Variants in C16orf89 observed in about 807,000 individuals in gnomAD.
C16orf89 encodes the protein UPF0764 protein C16orf89.
C16orf89 carries 57 observed loss-of-function variants against 41.5 expected under a neutral mutation model. The ratio of observed to expected loss-of-function variants is 1.38; its 90% confidence interval spans 1.11 to 1.71. C16orf89 has a LOEUF of 1.71. Among genes scored for constraint, C16orf89 ranks in the 40% most tolerant of loss-of-function variants. The pLI, the probability that C16orf89 is intolerant of heterozygous loss-of-function variation, is 0.00. For synonymous variants in C16orf89, 223 were observed against 190.6 expected (o/e 1.17, Z -1.40); for missense variants, 575 against 445.9 (o/e 1.29, Z -2.61).
chr16:5,048,069 G>T (rs1037860493), intron 6 of C16orf89, 105 bp from the exon 7 acceptor site: 2 of 677,428 alleles, frequency 3.0e-6, no homozygotes, highest in East Asian at 2.8e-5. Context: ...CATTCTATTG[G>T]CCAGGCTGGG....
chr16:5,053,914 C>T (rs914049759), intron 6 of C16orf89, among the ~76,000 whole-genome samples: 2 of 152,140 alleles, frequency 1.3e-5, no homozygotes, highest in African/African-American at 4.8e-5. Flanking sequence ...TGAGGTGATG[C>T]GTCTGCTCAT....
At chr16:5,045,136 T>C (rs143363921) in intron 7 of C16orf89, among the ~76,000 whole-genome samples, 24 of 152,344 alleles carry the variant, frequency 1.6e-4, no homozygotes, top group East Asian at 1.4e-3. Flanking sequence ...GTCCAGCTCC[T>C]GCCTGGCTTA....
chr16:5,062,944 T>C (rs1258660114), intron 1 of C16orf89, among the ~76,000 whole-genome samples: 2 of 152,148 alleles, frequency 1.3e-5, no homozygotes, highest in African/African-American at 2.4e-5. Flanking sequence ...GTTGAGCAGG[T>C]TGTACACTGC....
At chr16:5,061,462 G>A (rs1197012693) in intron 2 of C16orf89, among the ~76,000 whole-genome samples, 4 of 37,818 alleles carry the variant, frequency 1.1e-4, no homozygotes, top group African/African-American at 1.0e-4. Context: ...AAAAAAAAGA[G>A]AGACAGAGTG....
rs554755596 is a variant in C16orf89 at position 5,063,499 on chromosome 16, C to T, written c.209-925G>A. On this transcript the variant is annotated intron_variant, in intron 1 of 7. Coordinates refer to ENST00000472572, the MANE Select transcript of C16orf89 (RefSeq NM_001098514.3). ...CTATGGCCTGTTAGGAATGGGGCCGCACAGCAGGAGGTGAGTGGTGGGTGA... is the reference window on the plus strand; with the variant it reads ...CTATGGCCTGTTAGGAATGGGGCCGTACAGCAGGAGGTGAGTGGTGGGTGA... Among the ~76,000 whole-genome samples the T allele has an allele frequency of 7.2e-5, 11 of 152,306 alleles. No individual in the cohort carries two copies. The East Asian group carries it at 1.7e-3, about 24-fold the overall frequency.
At chr16:5,058,824 G>A (rs1956561491) in intron 3 of C16orf89, among the ~76,000 whole-genome samples, 1 of 152,084 alleles carries the variant, frequency 6.6e-6, no homozygotes, top group Non-Finnish European at 1.5e-5. Flanking sequence ...CTATTCTGGG[G>A]TTGAGGAAGC....
At chr16:5,048,024 T>A in intron 6 of C16orf89, 60 bp from the exon 7 acceptor site, 1 of 911,780 alleles carries the variant, frequency 1.1e-6, no homozygotes, top group Admixed American at 2.1e-5. Context: ...ACATTTTTAT[T>A]TCTTTTTACT....
At chr16:5,064,440 C>G (rs1426415429) in intron 1 of C16orf89, among the ~76,000 whole-genome samples, 1 of 152,206 alleles carries the variant, frequency 6.6e-6, no homozygotes, top group Non-Finnish European at 1.5e-5. Flanking sequence ...GACATATACA[C>G]ACAATCTCAT....
rs372296873 is a variant in C16orf89, at chr16:5,056,173, C to G, written c.643G>C (p.Gly215Arg). 3.8e-6 allele frequency: 6 copies of G among 1,589,860 alleles called. No homozygotes were observed. The highest frequency in any genetic ancestry group is 4.3e-6 in the Non-Finnish European group (5 of 1,159,634). The change falls in exon 5 of 8, where the codon GGA (glycine) becomes CGA (arginine). Residue 215 changes from glycine to arginine, a missense_variant. By Grantham distance (125) the Gly-to-Arg change is moderately radical. Coordinates refer to ENST00000472572, the MANE Select transcript of C16orf89 (RefSeq NM_001098514.3). ...LWARMRGCTQ[G>R]PLQQSQDYIN... Reference sequence around the variant, plus strand: ...TAGTCCTGGCTCTGTTGGAGTGGTCCCTGTGTGCACCCCCTCTGGGGAGAC... The same window carrying G: ...TAGTCCTGGCTCTGTTGGAGTGGTCGCTGTGTGCACCCCCTCTGGGGAGAC...
intron 1 of C16orf89, among the ~76,000 whole-genome samples, chr16:5,062,822 GC>G (rs930621724): frequency 1.3e-5 from 2 of 152,122 alleles, no homozygotes; most frequent in Non-Finnish European, 2.9e-5. Context: ...CTGGAGGCGG[GC>G]CTGGGTTCAA....
intron 6 of C16orf89, among the ~76,000 whole-genome samples, chr16:5,051,472 C>T (rs577872520): frequency 1.3e-5 from 2 of 151,862 alleles, no homozygotes; most frequent in South Asian, 4.2e-4. Context: ...ACCAAAATAC[C>T]CAGGAATAAA....
At chr16:5,057,344 GTATATATAGTGATTATATATATCGTGATA>G (rs1367956249) in intron 4 of C16orf89, among the ~76,000 whole-genome samples, 3 of 144,730 alleles carry the variant, frequency 2.1e-5, no homozygotes, top group Non-Finnish European at 4.5e-5. Context: ...ATATATAGTG[GTATATATAGTGATTATATATATCGTGATA>G]TATATATAGT....
At chr16:5,062,595 T>A (rs1956650156) in intron 1 of C16orf89, 21 bp from the exon 2 acceptor site, 3 of 1,561,096 alleles carry the variant, frequency 1.9e-6, no homozygotes, top group Non-Finnish European at 1.7e-6. Flanking sequence ...ACAGAGTTAA[T>A]TCATTCAACT....
chr16:5,059,175 C>T (rs137910845), intron 3 of C16orf89, among the ~76,000 whole-genome samples: 22 of 151,944 alleles, frequency 1.4e-4, no homozygotes, highest in African/African-American at 4.1e-4. Flanking sequence ...CACTTGAATC[C>T]GGGAGGCAGA....
At chr16:5,044,065 G>T (rs1956247091), downstream of C16orf89, 8 of 1,004,820 alleles carry the variant, frequency 8.0e-6, no homozygotes, top group South Asian at 2.2e-4. Context: ...AGTTGAAACA[G>T]ACCAAGAGGT....
intron 6 of C16orf89, among the ~76,000 whole-genome samples, chr16:5,050,501 G>T (rs181634536): frequency 1.7e-4 from 26 of 152,170 alleles, no homozygotes; most frequent in Admixed American, 2.0e-4. Flanking sequence ...GTAATAAAAA[G>T]TCTCCCCAAA....
intron 7 of C16orf89, among the ~76,000 whole-genome samples, chr16:5,046,438 G>A (rs1212336882): frequency 6.6e-6 from 1 of 152,010 alleles, no homozygotes; most frequent in Non-Finnish European, 1.5e-5. Flanking sequence ...TGCAACCTCT[G>A]TCTCCTGGGT....
chr16:5,046,223 A>C lies in C16orf89; in HGVS notation c.955+1655T>G, dbSNP rs145020506. Among the ~76,000 whole-genome samples the C allele has an allele frequency of 7.2e-5, 11 of 152,280 alleles. No homozygotes were observed. The East Asian group carries it at 2.1e-3, about 29-fold the overall frequency. ...GGATGATGAGGCCACAGTGGGGTTG[A>C]TGGAGAGATGTTTAGTTACTGGAAT... On this transcript the variant is annotated intron_variant, in intron 7 of 7. Coordinates refer to ENST00000472572, the MANE Select transcript of C16orf89 (RefSeq NM_001098514.3).
intron 6 of C16orf89, among the ~76,000 whole-genome samples, chr16:5,050,593 G>A (rs1365926261): frequency 4.6e-5 from 7 of 152,004 alleles, no homozygotes; most frequent in Admixed American, 2.0e-4. Flanking sequence ...TTTCAGTCTC[G>A]TCCAGAAAAT....
Sources: gnomAD v4.1 joint callset for allele counts (sites outside exome capture counted in the v4.1 genomes callset) on GRCh38, gnomAD v4.1.1 for gene constraint, MANE v1.5 for transcripts, NCBI Gene and HGNC (gene_info 2026-07-23, HGNC 2026-07-21) for gene names.